ASAP2: variants seen among roughly 807,000 people sequenced by gnomAD.
ASAP2 encodes the protein ArfGAP with SH3 domain, ankyrin repeat and PH domain 2.
Under a neutral mutation model 131.4 loss-of-function variants are expected in ASAP2, and 45 were observed. The observed-to-expected ratio is 0.34, with a 90% CI of 0.27 to 0.44. ASAP2 has a LOEUF of 0.44. Ranked by LOEUF, ASAP2 falls within the 20% of genes least tolerant of loss-of-function variation. The pLI, the probability that ASAP2 is intolerant of heterozygous loss-of-function variation, is 1.00. For synonymous variants in ASAP2, 510 were observed against 503.0 expected, an observed-to-expected ratio of 1.01 and a Z score of -0.19; for missense variants, 1,011 against 1,297.0, an observed-to-expected ratio of 0.78 and a Z score of 3.39.
chr2:9,243,202 G>A (rs896636774), intron 1 of ASAP2, among the ~76,000 whole-genome samples: 2 of 152,018 alleles, frequency 1.3e-5, no homozygotes, highest in African/African-American at 4.8e-5. Flanking sequence ...TCCGCCTCCC[G>A]GGTTCACGCC....
rs563967305 is a variant in ASAP2, at chr2:9,217,038, A to G, written c.126+9808A>G. On this transcript the variant is annotated intron_variant, in intron 1 of 27. Transcript: ENST00000281419. The surrounding 1 kb of genome is among the most constrained non-coding windows in gnomAD (Gnocchi z 4.0). The stretch of plus-strand genomic sequence containing the variant: ...GCCAGCAAAATTAGGCCACGGTACC[A>G]AGTTCATGGAGCTTGGAGGTGATGA... Among the ~76,000 whole-genome samples, 10 of 152,310 alleles carry G rather than the reference A, an allele frequency of 6.6e-5. No homozygotes were observed. In the East Asian group the frequency reaches 1.5e-3, roughly 23 times the overall value.
chr2:9,242,152 AC>A (rs1381793228), intron 1 of ASAP2, among the ~76,000 whole-genome samples: 1 of 152,074 alleles, frequency 6.6e-6, no homozygotes, highest in African/African-American at 2.4e-5. Flanking sequence ...CTGGAATGAA[AC>A]TTTTTTTTTA....
intron 2 of ASAP2, among the ~76,000 whole-genome samples, chr2:9,291,997 C>T (rs555247698): frequency 6.6e-6 from 1 of 152,222 alleles, no homozygotes; most frequent in South Asian, 2.1e-4. Flanking sequence ...AGGAAGAGCA[C>T]TGGACTCAGA....
chr2:9,317,436 TCA>T (rs1669808012), intron 3 of ASAP2, among the ~76,000 whole-genome samples: 1 of 4,156 alleles, frequency 2.4e-4, no homozygotes, highest in African/African-American at 4.3e-4. Flanking sequence ...CTACACATAC[TCA>T]CATTCTCACA....
intron 2 of ASAP2, among the ~76,000 whole-genome samples, chr2:9,279,975 G>A (rs1246210861): frequency 1.3e-5 from 2 of 151,878 alleles, no homozygotes; most frequent in African/African-American, 4.8e-5. Context: ...CAAATCCTAC[G>A]AGTGATACAA....
intron 1 of ASAP2, among the ~76,000 whole-genome samples, chr2:9,255,025 C>T (rs1056281415): frequency 6.6e-6 from 1 of 152,230 alleles, no homozygotes; most frequent in Admixed American, 6.5e-5. Flanking sequence ...AAAGTGGCTG[C>T]ATCATTTTTC....
rs79659186 is a variant in ASAP2, at chr2:9,339,883, G to A, written c.850-4649G>A. ...CGTCACATTCCACATTCACTCTAGG[G>A]GAGGAGGGACCTGTTCCTATCCATT... On this transcript the variant is annotated intron_variant, in intron 9 of 27. Transcript: ENST00000281419. Among the ~76,000 whole-genome samples the A allele has an allele frequency of 1.6e-3, 251 of 152,246 alleles. 9 individuals are homozygous for A. In the East Asian group the frequency reaches 0.037, roughly 23 times the overall value.
At chr2:9,384,586 T>G (rs576793455) in intron 20 of ASAP2, among the ~76,000 whole-genome samples, 1 of 152,326 alleles carries the variant, frequency 6.6e-6, no homozygotes, top group East Asian at 1.9e-4. Flanking sequence ...TTTGAATAAT[T>G]TGCTGGAGTG....
intron 15 of ASAP2, among the ~76,000 whole-genome samples, chr2:9,359,943 T>C (rs1202702770): frequency 6.6e-6 from 1 of 152,190 alleles, no homozygotes; most frequent in Non-Finnish European, 1.5e-5. Flanking sequence ...AATGTAAAAC[T>C]AAGGAACTCC....
At position 9,335,158 on chromosome 2, in the gene ASAP2, A is replaced by G. The variant is rs539245542; in HGVS notation, c.828A>G (p.Ala276=). ...LIQLRDILKS[A]LQVEQKEDSQ... The stretch of plus-strand genomic sequence containing the variant: ...AGCTTCGAGATATTTTGAAATCCGC[A>G]TTGCAGGTTGAACAGAAAGAGGTGA... Residue 276 remains alanine, a synonymous_variant, in exon 9 of 28, where the codon GCA becomes GCG. Transcript: ENST00000281419. 6.8e-6 allele frequency: 11 copies of G among 1,614,150 alleles called. No individual in the cohort carries two copies. The East Asian group carries it at 1.6e-4, about 23-fold the overall frequency.
chr2:9,233,195 T>C (rs544522207), intron 1 of ASAP2, among the ~76,000 whole-genome samples: 1 of 152,256 alleles, frequency 6.6e-6, no homozygotes, highest in Non-Finnish European at 1.5e-5. Context: ...GTGATAGTGA[T>C]CGATGTCTGT....
chr2:9,298,669 T>C (rs1668300015), intron 3 of ASAP2, among the ~76,000 whole-genome samples: 1 of 151,810 alleles, frequency 6.6e-6, no homozygotes, highest in Non-Finnish European at 1.5e-5. Context: ...AGAGTGGAGA[T>C]TTTTTTTAAA....
chr2:9,221,919 G>C (rs966646540), intron 1 of ASAP2, among the ~76,000 whole-genome samples: 1 of 151,764 alleles, frequency 6.6e-6, no homozygotes, highest in Non-Finnish European at 1.5e-5. Flanking sequence ...TCAGCCTCCC[G>C]AGTAGCTGGG....
intron 2 of ASAP2, among the ~76,000 whole-genome samples, chr2:9,282,107 C>T (rs565280737): frequency 6.6e-6 from 1 of 152,348 alleles, no homozygotes; most frequent in Admixed American, 6.5e-5. Flanking sequence ...CAAAGCTCTA[C>T]AGTGACAGGG....
intron 1 of ASAP2, among the ~76,000 whole-genome samples, chr2:9,247,275 T>C (rs1305811784): frequency 6.6e-6 from 1 of 152,208 alleles, no homozygotes; most frequent in African/African-American, 2.4e-5. Context: ...GATGAACTCT[T>C]CGCTCCTCAA....
intron 5 of ASAP2, among the ~76,000 whole-genome samples, chr2:9,322,763 G>A (rs73157614): frequency 0.02 from 3,094 of 152,288 alleles, 111 homozygotes; most frequent in African/African-American, 0.071. Context: ...AAGTCCAGGA[G>A]GAGAAACAGT....
chr2:9,244,422 C>T lies in ASAP2; in HGVS notation c.127-34895C>T, dbSNP rs1028427132. Among the ~76,000 whole-genome samples, 5 of 152,174 alleles carry T rather than the reference C, an allele frequency of 3.3e-5. No homozygotes were observed. The East Asian group carries it at 5.8e-4, about 18-fold the overall frequency. On this transcript the variant is annotated intron_variant, in intron 1 of 27. Transcript: ENST00000281419. ...TTTGGAAGATTAAGTGGATGTTAAT[C>T]TAAGCAAAGTGGATTCTGTAAAACC... is the stretch of plus-strand genomic sequence containing the variant.
chr2:9,214,310 T>G (rs1480694257), intron 1 of ASAP2, among the ~76,000 whole-genome samples: 3 of 152,162 alleles, frequency 2.0e-5, no homozygotes, highest in African/African-American at 7.2e-5. Flanking sequence ...CGATCTCGGT[T>G]CACTGCAACC....
intron 3 of ASAP2, among the ~76,000 whole-genome samples, chr2:9,310,236 G>T (rs73155688): frequency 1.6e-3 from 248 of 152,282 alleles, no homozygotes; most frequent in African/African-American, 5.7e-3. Flanking sequence ...ACATTTCAAA[G>T]CGTCTTTTCT....
Sources: gnomAD v4.1 joint callset for allele counts (sites outside exome capture counted in the v4.1 genomes callset) on GRCh38, gnomAD v4.1.1 for gene constraint, Gnocchi (gnomAD v3.1) non-coding constraint, MANE v1.5 for transcripts, NCBI Gene and HGNC (gene_info 2026-07-23, HGNC 2026-07-21) for gene names.